COL4A4: variants seen among roughly 807,000 people sequenced by gnomAD.
COL4A4 encodes collagen type IV alpha 4 chain.
A neutral mutation model predicts 192.9 loss-of-function variants in COL4A4; 105 were observed. The observed-to-expected ratio is 0.54, with a 90% CI of 0.46 to 0.64. The LOEUF is 0.64. COL4A4 is among the 30% of genes least tolerant of loss of function. The pLI is 0.00. For missense variants in COL4A4, 1,967 were observed against 2,169.3 expected (o/e 0.91, Z 1.85); for synonymous variants, 762 against 769.9 (o/e 0.99, Z 0.17).
chr2:227,014,087 G>A (rs1344124400), intron 44 of COL4A4, among the ~76,000 whole-genome samples: 6 of 152,278 alleles, frequency 3.9e-5, no homozygotes, highest in East Asian at 1.9e-4. Flanking sequence ...GTGAGGCCCC[G>A]ACTGTGCGTC....
In COL4A4 at chr2:227,149,125, A is replaced by T. The variant is rs551309736; in HGVS notation, c.-101-1541T>A. 3.3e-5 allele frequency among the ~76,000 whole-genome samples: 5 copies of T among 152,308 alleles called. No homozygotes were observed. The South Asian group carries it at 1.0e-3, about 32-fold the overall frequency. ...CAGCCTCCCAAAGTGCTGAGATTAC[A>T]GGCGTGAGCCACTGCACCTGGCCAT... is the stretch of plus-strand genomic sequence containing the variant. On this transcript the variant is annotated intron_variant, in intron 1 of 47. Transcript: ENST00000396625.
At chr2:227,098,841 G>A (rs1211716289) in intron 18 of COL4A4, 43 bp from the exon 19 acceptor site, 1 of 1,472,738 alleles carries the variant, frequency 6.8e-7, no homozygotes, top group Non-Finnish European at 9.5e-7. Context: ...AATGGTATGT[G>A]CATTTTAAAA....
chr2:227,072,570 C>T (rs1467661149), intron 25 of COL4A4, among the ~76,000 whole-genome samples: 1 of 151,794 alleles, frequency 6.6e-6, no homozygotes, highest in Non-Finnish European at 1.5e-5. Context: ...TAGTATCATC[C>T]TGATACCAAC....
chr2:227,159,651 TG>T (rs929006611), intron 1 of COL4A4, among the ~76,000 whole-genome samples: 1 of 152,188 alleles, frequency 6.6e-6, no homozygotes, highest in Non-Finnish European at 1.5e-5. Flanking sequence ...CTCATGATAC[TG>T]AGTGAGTTCT....
intron 41 of COL4A4, among the ~76,000 whole-genome samples, chr2:227,030,060 T>C (rs1314961223): frequency 2.0e-5 from 3 of 151,850 alleles, no homozygotes; most frequent in Non-Finnish European, 4.4e-5. Context: ...GATAAATGTA[T>C]ATTAACTATA....
chr2:227,085,722 C>A (rs1241477292), intron 22 of COL4A4, among the ~76,000 whole-genome samples: 1 of 152,162 alleles, frequency 6.6e-6, no homozygotes, highest in African/African-American at 2.4e-5. Context: ...AGAACTCATT[C>A]ATCACCAAAG....
chr2:227,099,502 C>A (rs1576492416), intron 18 of COL4A4, 118 bp downstream of exon 18: 4 of 851,672 alleles, frequency 4.7e-6, no homozygotes, highest in South Asian at 2.8e-5. Context: ...TGCTACAGTT[C>A]GTGCATTCAG....
intron 1 of COL4A4, among the ~76,000 whole-genome samples, chr2:227,158,895 G>A (rs2125536508): frequency 6.6e-6 from 1 of 152,160 alleles, no homozygotes; most frequent in East Asian, 1.9e-4. Context: ...AACCACTTTG[G>A]AAAACTATTT....
At chr2:227,134,258 G>A (rs2062670552) in intron 4 of COL4A4, among the ~76,000 whole-genome samples, 1 of 152,196 alleles carries the variant, frequency 6.6e-6, no homozygotes. Context: ...AAGGACATCT[G>A]AGTCTGCCAT....
chr2:226,977,774 C>T, the COL4A4 span, among the ~76,000 whole-genome samples: 1 of 152,206 alleles, frequency 6.6e-6, no homozygotes, highest in African/African-American at 2.4e-5. Flanking sequence ...TTTAGCAGCT[C>T]ATAAATTCAC....
At chr2:227,041,856 AAGAAAG>A (rs1971363020) in intron 37 of COL4A4, among the ~76,000 whole-genome samples, 1 of 96,976 alleles carries the variant, frequency 1.0e-5, no homozygotes, top group East Asian at 2.6e-4. Flanking sequence ...AAGAGAAAGA[AAGAAAG>A]AAAGAAAGAA....
Position 227,119,907 on chromosome 2 carries a change from T to G in COL4A4, c.360A>C (p.Leu120Phe). 6.3e-7 allele frequency: 1 copy of G among 1,588,568 alleles called. No homozygotes were observed. The highest frequency in any genetic ancestry group is 8.6e-7 in the Non-Finnish European group (1 of 1,166,332). Residue 120 changes from leucine (L) to phenylalanine (F), a missense_variant, in exon 6 of 48, where the codon TTA (leucine) becomes TTC (phenylalanine). By Grantham distance (22) the Leu-to-Phe change is conservative. Transcript: ENST00000396625. ...TAGGGATACTTACAGGTATGCCATC[T>G]AAACCTGGAAATCCAGGAACACCAG... ...GPTGVPGFPGLDGIPGHPGPP... is the reference protein window; with the variant it reads ...GPTGVPGFPGFDGIPGHPGPP...
At chr2:227,092,717 T>C (rs1052591260) in intron 20 of COL4A4, among the ~76,000 whole-genome samples, 1 of 152,180 alleles carries the variant, frequency 6.6e-6, no homozygotes, top group Non-Finnish European at 1.5e-5. Context: ...AGCTGGTGAA[T>C]GGCCCTTATA....
intron 17 of COL4A4, among the ~76,000 whole-genome samples, chr2:227,101,099 C>T (rs572701441): frequency 4.7e-4 from 72 of 152,280 alleles, no homozygotes; most frequent in Non-Finnish European, 7.6e-4. Flanking sequence ...TGAGCCACCA[C>T]GCCCAGCCTT....
chr2:227,132,366 C>T (rs192633193), intron 4 of COL4A4, among the ~76,000 whole-genome samples: 127 of 152,286 alleles, frequency 8.3e-4, no homozygotes, highest in African/African-American at 2.5e-3. Flanking sequence ...TTCTTCTTTA[C>T]GACTGAGGCC....
intron 12 of COL4A4, among the ~76,000 whole-genome samples, chr2:227,106,331 G>A (rs781275423): frequency 4.6e-5 from 7 of 151,958 alleles, no homozygotes; most frequent in South Asian, 4.1e-4. Flanking sequence ...ACAAGCAGCC[G>A]GCTTCTTCAA....
intron 1 of COL4A4, among the ~76,000 whole-genome samples, chr2:227,160,213 A>C (rs1354857423): frequency 6.6e-6 from 1 of 152,254 alleles, no homozygotes; most frequent in Non-Finnish European, 1.5e-5. Context: ...GAAATGTGAA[A>C]TCAGTTGTGA....
intron 22 of COL4A4, among the ~76,000 whole-genome samples, chr2:227,087,300 C>T (rs1399788114): frequency 6.6e-6 from 1 of 152,236 alleles, no homozygotes; most frequent in East Asian, 1.9e-4. Context: ...GCCCAAACCT[C>T]TCATCTGAAT....
chr2:227,069,378 C>A (rs1283383796), intron 25 of COL4A4, among the ~76,000 whole-genome samples: 1 of 152,126 alleles, frequency 6.6e-6, no homozygotes, highest in African/African-American at 2.4e-5. Flanking sequence ...CTTTAAAGTT[C>A]ATATGGAACC....
Sources: gnomAD v4.1 joint callset for allele counts (sites outside exome capture counted in the v4.1 genomes callset) on GRCh38, gnomAD v4.1.1 for gene constraint, MANE v1.5 for transcripts, NCBI Gene and HGNC (gene_info 2026-07-23, HGNC 2026-07-21) for gene names.